Variants in UBXN11 observed in about 807,000 individuals in gnomAD.
The protein encoded by UBXN11 is UBX domain-containing protein 11.
UBXN11 carries 47 observed loss-of-function variants against 62.8 expected under a neutral mutation model. That is an observed-to-expected ratio of 0.75 (90% CI 0.59 to 0.95). The LOEUF (loss-of-function observed/expected upper bound fraction) is 0.95. UBXN11 is among the 40% of genes least tolerant of loss of function. The pLI, the probability that UBXN11 is intolerant of heterozygous loss-of-function variation, is 0.00. For missense variants in UBXN11, 638 were observed against 661.7 expected (o/e 0.96, Z 0.39); for synonymous variants, 294 against 267.0 (o/e 1.10, Z -0.99).
At chr1:26,311,216 T>C (rs897362165), upstream of UBXN11, among the ~76,000 whole-genome samples, 1 of 151,050 alleles carries the variant, frequency 6.6e-6, no homozygotes, top group African/African-American at 2.4e-5. Flanking sequence ...CTCAGCTCAC[T>C]GCAAACTCCA....
intron 1 of UBXN11, among the ~76,000 whole-genome samples, chr1:26,315,854 T>C (rs1458954552): frequency 6.6e-6 from 1 of 152,100 alleles, no homozygotes; most frequent in African/African-American, 2.4e-5. Context: ...GAGACAGGGT[T>C]TCACCATGTT....
upstream of UBXN11, chr1:26,306,834 G>GGGGGGGT: frequency 2.5e-5 from 1 of 40,106 alleles, no homozygotes; most frequent in Non-Finnish European, 8.6e-5. Context: ...CGGGGTGGGG[G>GGGGGGGT]GGGGGGGTGG....
At chr1:26,316,073 C>T (rs191337179) in intron 1 of UBXN11, among the ~76,000 whole-genome samples, 84 of 149,750 alleles carry the variant, frequency 5.6e-4, no homozygotes, top group Non-Finnish European at 7.0e-4. Context: ...AATCCTCCTG[C>T]GTCAGCCCCC....
At chr1:26,303,572 G>A (rs1220396512) in intron 1 of UBXN11, among the ~76,000 whole-genome samples, 7 of 138,956 alleles carry the variant, frequency 5.0e-5, no homozygotes, top group Non-Finnish European at 1.1e-4. Context: ...GATGCAATGA[G>A]ATGAGACTGC....
At chr1:26,317,382 C>T (rs567038629) in intron 1 of UBXN11, among the ~76,000 whole-genome samples, 17 of 152,154 alleles carry the variant, frequency 1.1e-4, no homozygotes, top group Non-Finnish European at 2.2e-4. Context: ...GATTCCTCAC[C>T]TCCAGCACCT....
At chr1:26,302,500 A>T (rs1392881256) in intron 2 of UBXN11, among the ~76,000 whole-genome samples, 1 of 152,082 alleles carries the variant, frequency 6.6e-6, no homozygotes, top group African/African-American at 2.4e-5. Flanking sequence ...AACCCCACAC[A>T]GGGCCTGGCC....
At chr1:26,302,981 C>A (rs2073577018) in intron 1 of UBXN11, 63 bp from the exon 2 acceptor site, 3 of 1,148,186 alleles carry the variant, frequency 2.6e-6, no homozygotes, top group South Asian at 2.8e-5. Context: ...CAGGGGGTAG[C>A]CTGAAGTTTC....
At chr1:26,301,634 A>C (rs1187969862) in intron 3 of UBXN11, 60 bp downstream of exon 3, 1 of 1,603,856 alleles carries the variant, frequency 6.2e-7, no homozygotes, top group Non-Finnish European at 8.5e-7. Context: ...CCATCGGTCC[A>C]ACTGTAGGAG....
At chr1:26,304,309 C>A (rs577790507) in intron 1 of UBXN11, among the ~76,000 whole-genome samples, 71 of 152,196 alleles carry the variant, frequency 4.7e-4, no homozygotes, top group African/African-American at 1.6e-3. Context: ...CTGCCCCAGC[C>A]CCTGCCCTGT....
chr1:26,297,157 T>C (rs2073414177), intron 6 of UBXN11, among the ~76,000 whole-genome samples, 162 bp from the exon 7 acceptor site: 1 of 152,100 alleles, frequency 6.6e-6, no homozygotes, highest in Non-Finnish European at 1.5e-5. Context: ...TGGCGGTGCC[T>C]TGATGGGCCC....
intron 1 of UBXN11, chr1:26,318,004 A>G (rs765324947): frequency 6.2e-7 from 1 of 1,613,930 alleles, no homozygotes; most frequent in Admixed American, 1.7e-5. Flanking sequence ...GACAGCCACG[A>G]AGATCCTACC....
Position 26,284,426 on chromosome 1 carries a change from G to T in UBXN11, c.909C>A (p.Gly303=). The change falls in exon 11 of 15, where the codon GGC becomes GGA. Residue 303 remains glycine (G), a synonymous_variant. Transcript: ENST00000374222. The part of the protein sequence containing the change: ...YLEDGLDPFP[G]EGRVVGRQLM... ...GCTGCCTGCCCACCACACGGCCCTC[G>T]CCTGGGAAGGGGTCCAGTCCATCCT... 6.2e-7 allele frequency: 1 copy of T among 1,613,780 alleles called. No homozygotes were observed. Among genetic ancestry groups the T allele is most frequent in the Non-Finnish European group, 8.5e-7 (1 of 1,179,822 alleles).
chr1:26,298,772 C>G (rs1006947300), intron 4 of UBXN11, among the ~76,000 whole-genome samples: 21 of 126,038 alleles, frequency 1.7e-4, no homozygotes, highest in Non-Finnish European at 1.4e-4. Context: ...GTGAGGGACT[C>G]TGTCTCAGAA....
chr1:26,302,733 A>G, intron 2 of UBXN11, 80 bp downstream of exon 2: 1 of 1,461,782 alleles, frequency 6.8e-7, no homozygotes, highest in Non-Finnish European at 9.4e-7. Flanking sequence ...AGACACTAGG[A>G]GTCACTGTCC....
chr1:26,293,835 G>C (rs1177993048), intron 8 of UBXN11, among the ~76,000 whole-genome samples: 2 of 151,930 alleles, frequency 1.3e-5, no homozygotes, highest in East Asian at 3.9e-4. Context: ...TGGGAATTTG[G>C]CAGCAGCTTC....
In UBXN11 at chr1:26,294,309, A is replaced by C; in HGVS notation, c.455T>G (p.Leu152Arg). The change falls in exon 8 of 15, where the codon CTG (leucine) becomes CGG (arginine). Residue 152 changes from leucine to arginine, a missense_variant. Physicochemically the swap from Leu to Arg is moderately radical, Grantham distance 102 (BLOSUM62 -2). Transcript: ENST00000374222. ...EMERFLSDYG[L>R]QWVGEPMDQE... ...GTCCATGGGCTCGCCCACCCACTGC[A>C]GGCCATAGTCACTGAGGAACCGCTG... The C allele has an allele frequency of 1.2e-6, 2 of 1,613,958 alleles. No homozygotes were observed. The highest frequency in any genetic ancestry group is 1.7e-6 in the Non-Finnish European group (2 of 1,179,922).
Position 26,285,310 on chromosome 1 carries a change from C to T in UBXN11, c.852+154G>A, listed in dbSNP as rs116155766. 2.7e-3 allele frequency: 3,919 copies of T among 1,459,782 alleles called. 98 individuals carry two copies. In the African/African-American group the frequency reaches 0.049, roughly 18 times the overall value. The allele number at this position is 1,459,782 out of a possible 1,614,324, so 90.4% of individuals were successfully genotyped here. A position where few individuals can be genotyped will look rare whatever the true frequency, so the allele number is the denominator to read the frequency against. On this transcript the variant is annotated intron_variant, in intron 10 of 14. Transcript: ENST00000374222. ...TCGGGCCTCTCCGCTCCCTTCCCAG[C>T]CCGGCTTCAGACTTATCCTCCTGGA... is the stretch of plus-strand genomic sequence containing the variant.
At chr1:26,291,248 TG>T (rs2073257681) in intron 8 of UBXN11, among the ~76,000 whole-genome samples, 1 of 152,064 alleles carries the variant, frequency 6.6e-6, no homozygotes, top group South Asian at 2.1e-4. Flanking sequence ...CTGAGGCCCC[TG>T]GGCGGAGCAG....
chr1:26,308,887 T>G (rs2073709752), upstream of UBXN11, among the ~76,000 whole-genome samples: 1 of 151,544 alleles, frequency 6.6e-6, no homozygotes, highest in African/African-American at 2.4e-5. Context: ...AACATCTATT[T>G]CCTGGGAGGA....
Sources: allele counts gnomAD v4.1 joint callset (sites outside exome capture counted in the v4.1 genomes callset), GRCh38; gene constraint gnomAD v4.1.1; transcripts MANE v1.5; gene names NCBI Gene and HGNC (gene_info 2026-07-23, HGNC 2026-07-21).